Variants in IL1RAP observed in about 807,000 individuals in gnomAD.
The protein encoded by IL1RAP is interleukin 1 receptor accessory protein.
In IL1RAP, 35 loss-of-function variants were observed where a neutral mutation model predicts 60.7. That is an observed-to-expected ratio of 0.58 (90% CI 0.44 to 0.76). The LOEUF (loss-of-function observed/expected upper bound fraction) is 0.76. Among genes scored for constraint, IL1RAP ranks in the 30% least tolerant of loss-of-function variants. The pLI is 0.00. For missense variants in IL1RAP, 572 were observed against 693.9 expected (o/e 0.82, Z 1.97); for synonymous variants, 268 against 250.9 (o/e 1.07, Z -0.64).
chr3:190,612,379 T>G (rs1730895695), intron 5 of IL1RAP, among the ~76,000 whole-genome samples: 1 of 152,194 alleles, frequency 6.6e-6, no homozygotes, highest in Non-Finnish European at 1.5e-5. Context: ...ATTTGATTTT[T>G]TAGTTTTGTT....
intron 2 of IL1RAP, among the ~76,000 whole-genome samples, chr3:190,562,749 C>CCA (rs1194662755): frequency 2.1e-5 from 3 of 145,960 alleles, no homozygotes; most frequent in South Asian, 2.2e-4. Flanking sequence ...TGCTACATAA[C>CCA]CACACACACA....
At chr3:190,606,239 G>A (rs766385769) in intron 4 of IL1RAP, among the ~76,000 whole-genome samples, 3 of 152,120 alleles carry the variant, frequency 2.0e-5, no homozygotes, top group Non-Finnish European at 4.4e-5. Flanking sequence ...ATACAACTTG[G>A]TAGAAGTTAA....
intron 1 of IL1RAP, among the ~76,000 whole-genome samples, chr3:190,525,050 A>G (rs1031666686): frequency 9.2e-5 from 14 of 152,110 alleles, no homozygotes; most frequent in African/African-American, 3.1e-4. Context: ...ATTTATCTAT[A>G]TATTTAGGAG....
intron 3 of IL1RAP, among the ~76,000 whole-genome samples, chr3:190,585,582 C>G (rs368924684): frequency 1.3e-5 from 2 of 152,160 alleles, no homozygotes; most frequent in South Asian, 2.1e-4. Flanking sequence ...GAGGCCGAGG[C>G]GGGTGGATTG....
rs1235124800 is a variant in IL1RAP at position 190,648,930 on chromosome 3, A to G, written c.*225A>G. On this transcript the variant is annotated 3_prime_UTR_variant, in exon 12 of 12. Transcript: ENST00000447382. ...TCTGTCACCAGTCTCTGATGCCACT[A>G]TGTTCTTTGCAGGCAAAGACTTGTT... is the stretch of plus-strand genomic sequence containing the variant. 10 of 1,310,172 alleles carry G rather than the reference A, an allele frequency of 7.6e-6. No individual in the cohort carries two copies. The highest frequency in any genetic ancestry group is 3.6e-5 in the Admixed American group (1 of 27,974). 81.2% of individuals were successfully genotyped at this position (1,310,172 alleles called of 1,614,324 possible).
intron 3 of IL1RAP, among the ~76,000 whole-genome samples, chr3:190,597,911 A>G (rs959564146): frequency 2.0e-4 from 30 of 152,320 alleles, no homozygotes; most frequent in African/African-American, 6.5e-4. Flanking sequence ...CAGGGCTATA[A>G]AGATTTTCAG....
Position 190,648,621 on chromosome 3 carries a change from G to T in IL1RAP, c.1629G>T (p.Gln543His), listed in dbSNP as rs1173715681. The T allele has an allele frequency of 6.2e-7, 1 of 1,614,210 alleles. No homozygotes were observed. ...AGGGCAGGTTCTGGAAGCAGCTGCA[G>T]GTGGCCATGCCAGTGAAGAAAAGTC... Reference protein sequence around the residue: ...YPQGRFWKQLQVAMPVKKSPR... With the variant: ...YPQGRFWKQLHVAMPVKKSPR... Residue 543 changes from glutamine (Q) to histidine (H), a missense_variant, in exon 12 of 12, where the codon CAG (glutamine) becomes CAT (histidine). By Grantham distance (24) the Gln-to-His change is conservative. Transcript: ENST00000447382.
At chr3:190,521,299 CAT>C (rs1491395983) in intron 1 of IL1RAP, among the ~76,000 whole-genome samples, 2 of 151,706 alleles carry the variant, frequency 1.3e-5, no homozygotes, top group East Asian at 3.9e-4. Flanking sequence ...ACACATGTAA[CAT>C]TTTTTTTTTG....
chr3:190,602,607 A>G (rs2108748732), intron 3 of IL1RAP, among the ~76,000 whole-genome samples: 1 of 152,340 alleles, frequency 6.6e-6, no homozygotes. Flanking sequence ...GGAATTTATA[A>G]TGGTTAAAGA....
chr3:190,606,228 A>C (rs1730313173), intron 4 of IL1RAP, among the ~76,000 whole-genome samples: 1 of 152,152 alleles, frequency 6.6e-6, no homozygotes, highest in Admixed American at 6.5e-5. Context: ...TTTATGTTCT[A>C]ATACAACTTG....
In IL1RAP at chr3:190,650,823, T is replaced by C. The variant is rs1161153061; in HGVS notation, c.*2118T>C. On this transcript the variant is annotated 3_prime_UTR_variant, in exon 12 of 12. Transcript: ENST00000447382. ...ATTCCAGATAAGCTTTGAATATCAA[T>C]TCTTACATAAACTTTAGGCAAACAG... 1 of 984,922 alleles carries C rather than the reference T, an allele frequency of 1.0e-6. No homozygotes were observed. Among genetic ancestry groups the C allele is most frequent in the Non-Finnish European group, 1.2e-6 (1 of 829,570 alleles). 61.0% of individuals were successfully genotyped at this position (984,922 alleles called of 1,614,324 possible). A position where few individuals can be genotyped will look rare whatever the true frequency, so the allele number is the denominator to read the frequency against.
intron 1 of IL1RAP, among the ~76,000 whole-genome samples, chr3:190,514,545 C>T (rs1721332080): frequency 6.6e-6 from 1 of 151,726 alleles, no homozygotes; most frequent in South Asian, 2.1e-4. Context: ...CCGCTACCAC[C>T]CCCCGCCCCC....
intron 9 of IL1RAP, among the ~76,000 whole-genome samples, chr3:190,640,938 C>G (rs945234683): frequency 1.3e-5 from 2 of 152,092 alleles, no homozygotes; most frequent in African/African-American, 4.8e-5. Flanking sequence ...TACATCATGT[C>G]TTTCTGATAG....
chr3:190,572,870 T>TG (rs1170623801), intron 3 of IL1RAP, among the ~76,000 whole-genome samples: 1 of 67,474 alleles, frequency 1.5e-5, no homozygotes, highest in African/African-American at 6.4e-5. Context: ...TTTTTTTTTT[T>TG]TTTTTTTTTT....
At chr3:190,638,834 C>G (rs373409278) in intron 9 of IL1RAP, among the ~76,000 whole-genome samples, 1 of 151,982 alleles carries the variant, frequency 6.6e-6, no homozygotes, top group Non-Finnish European at 1.5e-5. Flanking sequence ...TTTTTACTTT[C>G]TCATTATGTT....
At chr3:190,622,893 G>A (rs1731901167) in intron 6 of IL1RAP, among the ~76,000 whole-genome samples, 1 of 152,170 alleles carries the variant, frequency 6.6e-6, no homozygotes, top group African/African-American at 2.4e-5. Flanking sequence ...TGGAGATTGT[G>A]TTAATCATCT....
chr3:190,654,510 T>C (rs1352829073), downstream of IL1RAP, among the ~76,000 whole-genome samples: 1 of 152,304 alleles, frequency 6.6e-6, no homozygotes, highest in South Asian at 2.1e-4. Context: ...CTAAAAACAT[T>C]TTTGCACTCC....
In IL1RAP at chr3:190,542,547, G is replaced by A. The variant is rs142120502; in HGVS notation, c.-88-13583G>A. Among the ~76,000 whole-genome samples the A allele has an allele frequency of 9.6e-4, 146 of 152,274 alleles. 1 individual carries two copies. The highest frequency in any genetic ancestry group is 3.4e-3 in the African/African-American group (141 of 41,560). On this transcript the variant is annotated intron_variant, in intron 1 of 11. Transcript: ENST00000447382. ...TATGGCAGAAATTTGGAAAATACTT[G>A]TTGAGTGAATGAACAGATGTTATTC...
chr3:190,622,806 C>T (rs112131183), intron 6 of IL1RAP, among the ~76,000 whole-genome samples: 3 of 152,172 alleles, frequency 2.0e-5, no homozygotes, highest in Non-Finnish European at 2.9e-5. Flanking sequence ...ATGGAGGTTC[C>T]GTCACACAGG....
Sources: gnomAD v4.1 joint callset for allele counts (sites outside exome capture counted in the v4.1 genomes callset) on GRCh38, gnomAD v4.1.1 for gene constraint, MANE v1.5 for transcripts, NCBI Gene and HGNC (gene_info 2026-07-23, HGNC 2026-07-21) for gene names.